The following DCC variants were observed in gnomAD, a reference collection of about 807,000 sequenced individuals.
DCC encodes netrin receptor DCC.
DCC carries 58 observed loss-of-function variants against 172.5 expected under a neutral mutation model. The ratio of observed to expected loss-of-function variants is 0.34; its 90% CI spans 0.27 to 0.42. The LOEUF is 0.42. Among genes scored for constraint, DCC ranks in the 10% least tolerant of loss-of-function variants. The probability of loss-of-function intolerance (pLI) is 1.00; values close to 1 mark genes in which losing one functional copy is unlikely to be tolerated. For synonymous variants in DCC, 709 were observed against 644.5 expected, an observed-to-expected ratio of 1.10 and a Z score of -1.52; for missense variants, 1,740 against 1,791.0, an observed-to-expected ratio of 0.97 and a Z score of 0.51.
chr18:52,819,495 G>T (rs1230073506), intron 2 of DCC, among the ~76,000 whole-genome samples: 1 of 152,104 alleles, frequency 6.6e-6, no homozygotes, highest in African/African-American at 2.4e-5. Context: ...TGTCTGCAAA[G>T]AACATAATGA....
At chr18:53,213,397 C>T (rs2055788327) in intron 11 of DCC, among the ~76,000 whole-genome samples, 1 of 151,970 alleles carries the variant, frequency 6.6e-6, no homozygotes, top group Admixed American at 6.6e-5. Context: ...CTCCTGTAAT[C>T]CCAGCACTTT....
chr18:52,906,388 A>AT (rs894345079), intron 3 of DCC, 60 bp downstream of exon 3: 83 of 1,556,608 alleles, frequency 5.3e-5, no homozygotes, highest in South Asian at 5.2e-4. Context: ...TTGAAAAACA[A>AT]TTTTTTTCTT....
At position 53,351,405 on chromosome 18, in the gene DCC, A is replaced by ATATATACAGTG. The variant is rs2057804135; in HGVS notation, c.2359+11504_2359+11505insCAGTGTATATA. On this transcript the variant is annotated intron_variant, in intron 15 of 28. Coordinates refer to ENST00000442544, the MANE Select transcript of DCC (RefSeq NM_005215.4). Reference sequence around the variant, plus strand: ...TACAGTATATATATATACAGTGTATATATATATATATACACACTGTGTATA... The same window carrying ATATATACAGTG: ...TACAGTATATATATATACAGTGTATATATATACAGTGTATATATATATACACACTGTGTATA... Among the ~76,000 whole-genome samples, 8 of 12,008 alleles carry ATATATACAGTG rather than the reference A, an allele frequency of 6.7e-4. 1 individual carries two copies. Among genetic ancestry groups the ATATATACAGTG allele is most frequent in the South Asian group, 0.011 (1 of 94 alleles). The allele number at this position is 12,008 out of a possible 152,430, so 7.9% of individuals were successfully genotyped here. A position where few individuals can be genotyped will look rare whatever the true frequency, so the allele number is the denominator to read the frequency against.
intron 25 of DCC, among the ~76,000 whole-genome samples, chr18:53,473,000 C>A (rs1237098441): frequency 6.6e-6 from 1 of 152,060 alleles, no homozygotes; most frequent in Non-Finnish European, 1.5e-5. Context: ...TTGTTTTTTC[C>A]CTTTACATAT....
chr18:53,162,537 C>A (rs1413375882), intron 8 of DCC, among the ~76,000 whole-genome samples: 1 of 152,140 alleles, frequency 6.6e-6, no homozygotes, highest in Non-Finnish European at 1.5e-5. Flanking sequence ...GAACTCCTTG[C>A]CTTTTTCTCA....
At chr18:53,087,979 A>G (rs559161505) in intron 7 of DCC, among the ~76,000 whole-genome samples, 167 of 152,226 alleles carry the variant, frequency 1.1e-3, no homozygotes, top group African/African-American at 3.6e-3. Flanking sequence ...TTTTGGTACC[A>G]GTACCATGCT....
chr18:53,035,976 C>G (rs915081081), intron 5 of DCC, among the ~76,000 whole-genome samples: 1 of 151,978 alleles, frequency 6.6e-6, no homozygotes. Flanking sequence ...TTGTCACCAA[C>G]TCTACTTATT....
chr18:53,384,457 C>T (rs944547645), intron 15 of DCC, among the ~76,000 whole-genome samples: 1 of 151,982 alleles, frequency 6.6e-6, no homozygotes, highest in African/African-American at 2.4e-5. Context: ...CTCCTATTAT[C>T]TGTACGTTAG....
chr18:52,631,412 G>A (rs372064429), intron 1 of DCC, among the ~76,000 whole-genome samples: 1 of 152,158 alleles, frequency 6.6e-6, no homozygotes, highest in Non-Finnish European at 1.5e-5. Context: ...CTAGGAAAAC[G>A]CATCACCTTG....
chr18:52,602,968 A>T (rs1487630623), intron 1 of DCC, among the ~76,000 whole-genome samples: 1 of 152,072 alleles, frequency 6.6e-6, no homozygotes, highest in Non-Finnish European at 1.5e-5. Context: ...TTTCCTACCT[A>T]TTGATCAGTA....
In DCC at chr18:52,483,692, T is replaced by C. The variant is rs2030070553; in HGVS notation, c.91+142814T>C. On this transcript the variant is annotated intron_variant, in intron 1 of 28. Coordinates refer to ENST00000442544, the MANE Select transcript of DCC (RefSeq NM_005215.4). ...CAGTTCATCAGTCTTTTTAGAATCA[T>C]GTAAGTACTTTTAATCTAACTGTAC... is the stretch of plus-strand genomic sequence containing the variant. Among the ~76,000 whole-genome samples the C allele has an allele frequency of 2.0e-5, 3 of 152,136 alleles. No homozygotes were observed. In the South Asian group the frequency reaches 6.2e-4, roughly 31 times the overall value.
intron 1 of DCC, among the ~76,000 whole-genome samples, chr18:52,730,345 G>A (rs1245804449): frequency 1.3e-5 from 2 of 152,114 alleles, no homozygotes; most frequent in Non-Finnish European, 1.5e-5. Flanking sequence ...AGCCCATAAT[G>A]TCAACAGTGC....
At chr18:53,364,249 A>T (rs574932787) in intron 15 of DCC, among the ~76,000 whole-genome samples, 11 of 152,290 alleles carry the variant, frequency 7.2e-5, no homozygotes, top group Non-Finnish European at 1.3e-4. Context: ...CAAATTAGGG[A>T]TGGAAATAAG....
intron 5 of DCC, among the ~76,000 whole-genome samples, chr18:52,995,839 AC>A (rs1195898008): frequency 2.0e-5 from 3 of 149,986 alleles, no homozygotes; most frequent in Non-Finnish European, 4.5e-5. Context: ...CCTGGACTGA[AC>A]CCCCTTTTTG....
At chr18:53,101,833 G>GTA (rs1555712115) in intron 7 of DCC, among the ~76,000 whole-genome samples, 42 of 68,420 alleles carry the variant, frequency 6.1e-4, no homozygotes, top group African/African-American at 1.4e-3. Flanking sequence ...GTGTATTTGT[G>GTA]TGTGTGTGCG....
At position 53,428,348 on chromosome 18, in the gene DCC, AATATATG is replaced by A. The variant is rs1316384996; in HGVS notation, c.3164-6795_3164-6789del. 6.9e-3 allele frequency among the ~76,000 whole-genome samples: 457 copies of A among 66,152 alleles called. 85 individuals carry two copies. Among genetic ancestry groups the A allele is most frequent in the Middle Eastern group, 0.036 (2 of 56 alleles). 43.4% of individuals were successfully genotyped at this position (66,152 alleles called of 152,430 possible). ...TAATATAATATATTGTATATAATAT[AATATATG>A]TTGTATATAATATAATATTATAATA... is the stretch of plus-strand genomic sequence containing the variant. On this transcript the variant is annotated intron_variant, in intron 21 of 28. Coordinates refer to ENST00000442544, the MANE Select transcript of DCC (RefSeq NM_005215.4).
intron 15 of DCC, among the ~76,000 whole-genome samples, chr18:53,360,579 A>G (rs754524720): frequency 1.3e-5 from 2 of 152,192 alleles, no homozygotes; most frequent in Non-Finnish European, 2.9e-5. Context: ...ATAGCATGCT[A>G]TAAATCATTT....
intron 13 of DCC, among the ~76,000 whole-genome samples, chr18:53,306,712 A>C (rs4940251): frequency 0.38 from 57,512 of 152,186 alleles, 11,591 homozygotes; most frequent in East Asian, 0.6. Flanking sequence ...TTTGTCAATC[A>C]ACATTTTATG....
At chr18:52,421,891 T>G (rs1987262805) in intron 1 of DCC, among the ~76,000 whole-genome samples, 1 of 152,198 alleles carries the variant, frequency 6.6e-6, no homozygotes, top group African/African-American at 2.4e-5. Context: ...TTATCCTGCC[T>G]TTATGCAAAC....
Sources: allele counts gnomAD v4.1 joint callset (sites outside exome capture counted in the v4.1 genomes callset), GRCh38; gene constraint gnomAD v4.1.1; transcripts MANE v1.5; gene names NCBI Gene and HGNC (gene_info 2026-07-23, HGNC 2026-07-21).